The following SMO variants were observed in gnomAD, a reference collection of about 807,000 sequenced individuals.
The protein encoded by SMO is smoothened, frizzled class receptor, also known as protein smoothened.
SMO carries 40 observed loss-of-function variants against 81.6 expected under a neutral mutation model. The ratio of observed to expected loss-of-function variants is 0.49; its 90% CI spans 0.38 to 0.64. The LOEUF is 0.64. SMO is among the 30% of genes least tolerant of loss of function. The pLI is 0.00. For synonymous variants in SMO, 434 were observed against 432.1 expected (o/e 1.00, Z -0.05); for missense variants, 916 against 1,061.1 (o/e 0.86, Z 1.90).
Position 129,189,594 on chromosome 7 carries a change from C to T in SMO, c.331+112C>T, listed in dbSNP as rs1032968772. On this transcript the variant is annotated intron_variant, in intron 1 of 11. Coordinates refer to ENST00000249373, the MANE Select transcript of SMO (RefSeq NM_005631.5). This position sits in a 1 kb window ranked among gnomAD's most constrained non-coding sequence, Gnocchi z 4.7. ...TTTTGGAGAGGGCGGGGACAGCACC[C>T]GGGAGAGTTGGAGGGACAGATCCCG... 14 of 1,198,246 alleles carry T rather than the reference C, an allele frequency of 1.2e-5. No individual in the cohort carries two copies. Among genetic ancestry groups the T allele is most frequent in the African/African-American group, 7.7e-5 (5 of 64,550 alleles). The allele number at this position is 1,198,246 out of a possible 1,614,324, so 74.2% of individuals were successfully genotyped here.
chr7:129,205,478 AGG>A, intron 3 of SMO, 66 bp downstream of exon 3: 1 of 1,555,086 alleles, frequency 6.4e-7, no homozygotes, highest in Non-Finnish European at 8.8e-7. Context: ...GCCAGAGGGA[AGG>A]GGGGCAAAGA....
intron 1 of SMO, among the ~76,000 whole-genome samples, chr7:129,197,717 G>C (rs774573880): frequency 2.2e-4 from 33 of 151,952 alleles, no homozygotes; most frequent in African/African-American, 8.0e-4. Context: ...CACTGCGCCC[G>C]GCTGAATTTT....
At chr7:129,197,252 A>G (rs1213204489) in intron 1 of SMO, among the ~76,000 whole-genome samples, 2 of 152,146 alleles carry the variant, frequency 1.3e-5, no homozygotes, top group Non-Finnish European at 2.9e-5. Flanking sequence ...AATAGACAAA[A>G]CATCTTAATT....
intron 4 of SMO, 150 bp from the exon 5 acceptor site, chr7:129,206,000 T>C (rs1793759135): frequency 2.6e-6 from 2 of 769,774 alleles, no homozygotes; most frequent in Admixed American, 5.3e-5. Flanking sequence ...TCCTAGAGCC[T>C]CCTCAGATCT....
At chr7:129,202,216 A>G (rs555769330) in intron 1 of SMO, among the ~76,000 whole-genome samples, 4 of 152,268 alleles carry the variant, frequency 2.6e-5, no homozygotes, top group African/African-American at 4.8e-5. Context: ...AGGTAAATCT[A>G]TCATCCCCAT....
rs777261235 is a variant in SMO at position 129,212,210 on chromosome 7, C to A, written c.2123C>A (p.Pro708His). 1 of 1,571,614 alleles carries A rather than the reference C, an allele frequency of 6.4e-7. No individual in the cohort carries two copies. Among genetic ancestry groups the A allele is most frequent in the Non-Finnish European group, 8.6e-7 (1 of 1,158,238 alleles). Reference protein sequence around the residue: ...PSTIPRLPQLPRQKCLVAAGA... With the variant: ...PSTIPRLPQLHRQKCLVAAGA... ...ACCATTCCTCGACTGCCTCAGCTGC[C>A]CCGGCAGAAATGCCTGGTGGCTGCA... Residue 708 changes from proline to histidine, a missense_variant, in exon 12 of 12, where the codon CCC (proline) becomes CAC (histidine). By Grantham distance (77) the Pro-to-His change is moderately conservative. Around this residue, in one of 4 missense-constraint regions of SMO, gnomAD observed 324 missense variants for 312.9 expected, o/e 1.04. Transcript: ENST00000249373. The surrounding 1 kb of genome is among the most constrained non-coding windows in gnomAD (Gnocchi z 5.0).
chr7:129,205,333 C>T lies in SMO; in HGVS notation c.668C>T (p.Thr223Ile), dbSNP rs2150648376. Residue 223 changes from threonine (T) to isoleucine (I), a missense_variant, in exon 3 of 12, where the codon ACA becomes ATA. Coordinates refer to ENST00000249373, the MANE Select transcript of SMO (RefSeq NM_005631.5). ...ATCCAGTGCCAGAACCCGCTCTTCACAGAGGCTGAGCACCAGGACATGCAC... is the reference window on the plus strand; with the variant it reads ...ATCCAGTGCCAGAACCCGCTCTTCATAGAGGCTGAGCACCAGGACATGCAC... ...CGIQCQNPLF[T>I]EAEHQDMHSY... 2 of 1,614,100 alleles carry T rather than the reference C, an allele frequency of 1.2e-6. No homozygotes were observed. Among genetic ancestry groups the T allele is most frequent in the Non-Finnish European group, 1.7e-6 (2 of 1,179,972 alleles).
rs2150637782 is a variant in SMO at position 129,189,190 on chromosome 7, G to A, written c.39G>A (p.Pro13=). The A allele has an allele frequency of 2.6e-6, 3 of 1,164,680 alleles. No individual in the cohort carries two copies. The South Asian group carries it at 1.3e-4, about 50-fold the overall frequency. The allele number at this position is 1,164,680 out of a possible 1,614,324, so 72.1% of individuals were successfully genotyped here. The change falls in exon 1 of 12, where the codon CCG becomes CCA. Residue 13 remains proline (P), a synonymous_variant. Transcript: ENST00000249373. The surrounding 1 kb of genome is among the most constrained non-coding windows in gnomAD (Gnocchi z 4.7). ...GCCCAGCGCGGGGGCCGGAGCTCCCGCTCCTGGGGCTGCTGCTGCTGCTGC... is the reference window on the plus strand; with the variant it reads ...GCCCAGCGCGGGGGCCGGAGCTCCCACTCCTGGGGCTGCTGCTGCTGCTGC... ...AARPARGPEL[P]LLGLLLLLLL...
intron 1 of SMO, among the ~76,000 whole-genome samples, chr7:129,202,515 G>A (rs1793687770): frequency 3.3e-5 from 5 of 152,166 alleles, no homozygotes; most frequent in Admixed American, 2.0e-4. Flanking sequence ...ATTCAGGAAG[G>A]GCTTCTGTGA....
At chr7:129,197,024 A>AT (rs561242047) in intron 1 of SMO, among the ~76,000 whole-genome samples, 10 of 151,472 alleles carry the variant, frequency 6.6e-5, no homozygotes, top group African/African-American at 2.2e-4. Context: ...CTCAAAAAAA[A>AT]AAAAAAAAAA....
Position 129,213,533 on chromosome 7 carries a change from GT to G in SMO, c.*1087del. The G allele has an allele frequency of 4.5e-6, 1 of 224,468 alleles. No homozygotes were observed. Among genetic ancestry groups the G allele is most frequent in the Non-Finnish European group, 8.9e-6 (1 of 112,804 alleles). 13.9% of individuals were successfully genotyped at this position (224,468 alleles called of 1,614,324 possible). On this transcript the variant is annotated 3_prime_UTR_variant, in exon 12 of 12. Coordinates refer to ENST00000249373, the MANE Select transcript of SMO (RefSeq NM_005631.5). ...GGAGAAGAAATACAGTCAATAAAAG[GT>G]TTTTGTATAAACTCTTGGTGTGTTT...
Position 129,212,445 on chromosome 7 carries a change from C to A in SMO, c.2358C>A (p.Asp786Glu). ...CAGAACTCATGGATGCAGACTCGGA[C>A]TTCTGAGCCTGCAGAGCAGGACCTG... ...MDTELMDADSDF is the reference protein window; with the variant it reads ...MDTELMDADSEF Residue 786 changes from aspartate to glutamate, a missense_variant, in exon 12 of 12, where the codon GAC becomes GAA. This residue lies in a region of SMO where 324 missense variants were observed against 312.9 expected (regional missense o/e 1.04). Transcript: ENST00000249373. This position sits in a 1 kb window ranked among gnomAD's most constrained non-coding sequence, Gnocchi z 5.0. The A allele has an allele frequency of 2.5e-6, 4 of 1,609,898 alleles. No individual in the cohort carries two copies.
intron 1 of SMO, among the ~76,000 whole-genome samples, chr7:129,198,863 C>T (rs959193131): frequency 2.6e-5 from 4 of 152,180 alleles, no homozygotes; most frequent in Admixed American, 1.3e-4. Flanking sequence ...CAGAAGATAT[C>T]CTCATTGTTA....
In SMO at chr7:129,212,801, G is replaced by A; in HGVS notation, c.*350G>A. Reference sequence around the variant, plus strand: ...AGGCAGAGGTGACAGTTCCCAGAGTGGGCTTTGGTGGCCAGGGAGGCAGCC... The same window carrying A: ...AGGCAGAGGTGACAGTTCCCAGAGTAGGCTTTGGTGGCCAGGGAGGCAGCC... On this transcript the variant is annotated 3_prime_UTR_variant, in exon 12 of 12. Transcript: ENST00000249373. The surrounding 1 kb of genome is among the most constrained non-coding windows in gnomAD (Gnocchi z 5.0). 2.8e-6 allele frequency: 1 copy of A among 353,848 alleles called. No homozygotes were observed. Among genetic ancestry groups the A allele is most frequent in the Non-Finnish European group, 5.1e-6 (1 of 194,940 alleles). 21.9% of individuals were successfully genotyped at this position (353,848 alleles called of 1,614,324 possible).
At chr7:129,199,326 C>T (rs956298838) in intron 1 of SMO, among the ~76,000 whole-genome samples, 4 of 151,596 alleles carry the variant, frequency 2.6e-5, no homozygotes, top group African/African-American at 9.7e-5. Context: ...ATTACAGGCG[C>T]CCACCACCAC....
At chr7:129,197,748 A>G (rs951521701) in intron 1 of SMO, among the ~76,000 whole-genome samples, 1 of 152,016 alleles carries the variant, frequency 6.6e-6, no homozygotes, top group African/African-American at 2.4e-5. Flanking sequence ...TTTTGCATCC[A>G]TTGAGATGAT....
Position 129,210,503 on chromosome 7 carries a change from T to C in SMO, c.1607T>C (p.Val536Ala), listed in dbSNP as rs754958172. The stretch of plus-strand genomic sequence containing the variant: ...ACTGGCATCGCCATGAGCACCTGGG[T>C]CTGGACCAAGGCCACGCTGCTCATC... ...FGTGIAMSTWVWTKATLLIWR... is the reference protein window; with the variant it reads ...FGTGIAMSTWAWTKATLLIWR... The change falls in exon 9 of 12, where the codon GTC becomes GCC. Residue 536 changes from valine (V) to alanine (A), a missense_variant. Coordinates refer to ENST00000249373, the MANE Select transcript of SMO (RefSeq NM_005631.5). This position sits in a 1 kb window ranked among gnomAD's most constrained non-coding sequence, Gnocchi z 4.7. 5.0e-6 allele frequency: 8 copies of C among 1,614,178 alleles called. No homozygotes were observed. Among genetic ancestry groups the C allele is most frequent in the Non-Finnish European group, 6.8e-6 (8 of 1,180,026 alleles).
chr7:129,192,528 C>T (rs1793495438), intron 1 of SMO, among the ~76,000 whole-genome samples: 1 of 152,114 alleles, frequency 6.6e-6, no homozygotes, highest in Non-Finnish European at 1.5e-5. Flanking sequence ...GCAGGGAAAG[C>T]CTGGAGCCTG....
At chr7:129,199,447 G>A (rs951807341) in intron 1 of SMO, among the ~76,000 whole-genome samples, 3 of 152,266 alleles carry the variant, frequency 2.0e-5, no homozygotes, top group Admixed American at 6.5e-5. Flanking sequence ...CTCCCAAACT[G>A]TTGGGATTAC....
Sources: gnomAD v4.1 joint callset for allele counts (sites outside exome capture counted in the v4.1 genomes callset) on GRCh38, gnomAD v4.1.1 for gene constraint, gnomAD v4.1.1 regional missense constraint, Gnocchi (gnomAD v3.1) non-coding constraint, MANE v1.5 for transcripts, NCBI Gene and HGNC (gene_info 2026-07-23, HGNC 2026-07-21) for gene names.